Variants in NCKAP5 observed in about 807,000 individuals in gnomAD.
NCKAP5 encodes the protein NCK associated protein 5, also known as nck-associated protein 5.
NCKAP5 carries 92 observed loss-of-function variants against 167.0 expected under a neutral mutation model. The observed-to-expected ratio is 0.55, with a 90% CI of 0.47 to 0.66. NCKAP5 has a LOEUF of 0.66. Ranked by LOEUF, NCKAP5 falls within the 30% of genes least tolerant of loss-of-function variation. The pLI is 0.00. For missense variants in NCKAP5, 2,378 were observed against 2,315.0 expected (o/e 1.03, Z -0.56); for synonymous variants, 891 against 877.4 (o/e 1.02, Z -0.27).
intron 17 of NCKAP5, among the ~76,000 whole-genome samples, chr2:132,730,113 A>T (rs1382308298): frequency 2.0e-5 from 3 of 152,160 alleles, no homozygotes; most frequent in Non-Finnish European, 4.4e-5. Flanking sequence ...AAAGTTCAGG[A>T]TGGGTGACAA....
intron 16 of NCKAP5, among the ~76,000 whole-genome samples, chr2:132,749,753 A>G (rs968080814): frequency 6.6e-6 from 1 of 152,058 alleles, no homozygotes; most frequent in Non-Finnish European, 1.5e-5. Context: ...GGGAAAAAAA[A>G]CCTTCAAATG....
chr2:133,663,792 G>A, the NCKAP5 span, among the ~76,000 whole-genome samples: 6 of 152,114 alleles, frequency 3.9e-5, no homozygotes, highest in South Asian at 1.2e-3. Flanking sequence ...ACCCCTCAAA[G>A]TCATCCATGA....
intron 11 of NCKAP5, among the ~76,000 whole-genome samples, chr2:132,801,163 C>T (rs1444896899): frequency 6.6e-6 from 1 of 152,040 alleles, no homozygotes; most frequent in Admixed American, 6.6e-5. Flanking sequence ...TTGGAAGCCA[C>T]TTGTTGAAGA....
At chr2:133,269,313 T>C (rs1235577502) in intron 4 of NCKAP5, among the ~76,000 whole-genome samples, 1 of 152,192 alleles carries the variant, frequency 6.6e-6, no homozygotes, top group Non-Finnish European at 1.5e-5. Flanking sequence ...AAGTAAATTA[T>C]AATGTCTATT....
intron 4 of NCKAP5, among the ~76,000 whole-genome samples, chr2:133,288,043 C>T (rs1305896937): frequency 6.6e-6 from 1 of 152,118 alleles, no homozygotes; most frequent in African/African-American, 2.4e-5. Flanking sequence ...AAACTAATCC[C>T]TGATGAGATA....
chr2:133,430,153 T>C (rs1449827310), intron 3 of NCKAP5, among the ~76,000 whole-genome samples: 1 of 152,016 alleles, frequency 6.6e-6, no homozygotes, highest in Non-Finnish European at 1.5e-5. Flanking sequence ...CCTTTGCTCT[T>C]CTTGATTTTT....
intron 3 of NCKAP5, among the ~76,000 whole-genome samples, chr2:133,455,232 G>A (rs75805554): frequency 6.6e-6 from 1 of 151,974 alleles, no homozygotes; most frequent in Non-Finnish European, 1.5e-5. Flanking sequence ...TCTATTTTTT[G>A]TAAAGCCTAA....
chr2:133,344,572 T>C (rs1411698691), intron 3 of NCKAP5, among the ~76,000 whole-genome samples: 1 of 152,078 alleles, frequency 6.6e-6, no homozygotes, highest in Non-Finnish European at 1.5e-5. Context: ...GAGTGGTTTG[T>C]ATTCATCTAG....
intron 7 of NCKAP5, among the ~76,000 whole-genome samples, chr2:132,993,018 C>T (rs559898900): frequency 1.3e-5 from 2 of 152,290 alleles, no homozygotes; most frequent in African/African-American, 4.8e-5. Context: ...CTTGTATTAA[C>T]ATATTCCTCC....
chr2:133,004,585 A>G (rs2077895802), intron 6 of NCKAP5, among the ~76,000 whole-genome samples: 1 of 152,162 alleles, frequency 6.6e-6, no homozygotes, highest in South Asian at 2.1e-4. Flanking sequence ...TCATAGGGCA[A>G]TAAAAGATCA....
intron 6 of NCKAP5, among the ~76,000 whole-genome samples, chr2:133,083,216 A>G (rs1180928032): frequency 6.6e-6 from 1 of 152,160 alleles, no homozygotes; most frequent in Non-Finnish European, 1.5e-5. Flanking sequence ...CTTGCATATT[A>G]GACAGGGCCA....
intron 3 of NCKAP5, among the ~76,000 whole-genome samples, chr2:133,499,089 C>T (rs534463214): frequency 5.3e-5 from 8 of 152,258 alleles, no homozygotes; most frequent in African/African-American, 1.9e-4. Flanking sequence ...GTGAAGTTAC[C>T]AGTAACATTT....
intron 6 of NCKAP5, among the ~76,000 whole-genome samples, chr2:133,077,203 T>C (rs2080635016): frequency 1.3e-5 from 2 of 152,232 alleles, no homozygotes; most frequent in Admixed American, 1.3e-4. Flanking sequence ...AATATGACAG[T>C]TATTACAAAC....
chr2:133,200,577 T>C (rs12691835), intron 5 of NCKAP5, among the ~76,000 whole-genome samples: 60,153 of 152,020 alleles, frequency 0.4, 13,970 homozygotes, highest in Non-Finnish European at 0.51. Flanking sequence ...TTAGAGATTA[T>C]ACCAGAAGTA....
At chr2:133,299,715 C>T (rs1680234253) in intron 4 of NCKAP5, among the ~76,000 whole-genome samples, 1 of 152,154 alleles carries the variant, frequency 6.6e-6, no homozygotes, top group Non-Finnish European at 1.5e-5. Context: ...CCTGCCATTG[C>T]ACTCCAGCCT....
intron 3 of NCKAP5, among the ~76,000 whole-genome samples, chr2:133,371,297 A>G (rs768774479): frequency 3.3e-5 from 5 of 152,364 alleles, no homozygotes; most frequent in Non-Finnish European, 5.9e-5. Flanking sequence ...AAGAATCTCC[A>G]TACTCAAGCA....
intron 8 of NCKAP5, among the ~76,000 whole-genome samples, chr2:132,929,082 GCA>G (rs1189546934): frequency 6.6e-6 from 1 of 152,170 alleles, no homozygotes; most frequent in Non-Finnish European, 1.5e-5. Flanking sequence ...CCTGTGCAGA[GCA>G]CTCTCCCTTT....
chr2:133,558,704 C>CAAAAAAAAAAAAAAAAAAAAAAAAAA (rs60051493), intron 2 of NCKAP5, among the ~76,000 whole-genome samples: 4 of 50,870 alleles, frequency 7.9e-5, no homozygotes, highest in Admixed American at 3.1e-4. Context: ...ATGTGCTGAG[C>CAAAAAAAAAAAAAAAAAAAAAAAAAA]AAAAAAAAAA....
intron 6 of NCKAP5, among the ~76,000 whole-genome samples, chr2:133,033,325 G>T (rs61133672): frequency 0.14 from 20,763 of 152,250 alleles, 1,623 homozygotes; most frequent in South Asian, 0.19. Context: ...CCCAAAGGAA[G>T]ATACAGCTTA....
Sources: allele counts gnomAD v4.1 joint callset (sites outside exome capture counted in the v4.1 genomes callset), GRCh38; gene constraint gnomAD v4.1.1; transcripts MANE v1.5; gene names NCBI Gene and HGNC (gene_info 2026-07-23, HGNC 2026-07-21).